Variants in TSPEAR observed in about 807,000 individuals in gnomAD.
TSPEAR encodes thrombospondin-type laminin G domain and EAR repeat-containing protein.
TSPEAR carries 69 observed loss-of-function variants against 71.6 expected under a neutral mutation model. That is an observed-to-expected ratio of 0.96 (90% CI 0.79 to 1.18). The LOEUF is 1.18. Among genes scored for constraint, TSPEAR ranks in the 50% most tolerant of loss-of-function variants. The pLI is 0.00. For missense variants in TSPEAR, 971 were observed against 894.9 expected (o/e 1.09, Z -1.09); for synonymous variants, 402 against 387.2 (o/e 1.04, Z -0.45).
chr21:44,591,820 G>A lies in TSPEAR; in HGVS notation c.83-23815C>T, dbSNP rs782629637. Reference sequence around the variant, plus strand: ...CACGCAGCAGGCCTGCTGGCAGGGGGAGGAGGTGCAGCAAGTTGGCTGGCA... The same window carrying A: ...CACGCAGCAGGCCTGCTGGCAGGGGAAGGAGGTGCAGCAAGTTGGCTGGCA... On this transcript the variant is annotated intron_variant, in intron 1 of 11. Transcript: ENST00000323084. 4.4e-6 allele frequency: 7 copies of A among 1,598,846 alleles called. No homozygotes were observed. The South Asian group carries it at 6.7e-5, about 15-fold the overall frequency.
chr21:44,658,101 C>T (rs371704152), intron 1 of TSPEAR: 45 of 1,613,024 alleles, frequency 2.8e-5, no homozygotes, highest in Admixed American at 3.3e-5. Flanking sequence ...GTGAGCTGCA[C>T]GCGCATTGTG....
At chr21:44,664,615 AAAG>A (rs1344361154) in intron 1 of TSPEAR, among the ~76,000 whole-genome samples, 3 of 152,236 alleles carry the variant, frequency 2.0e-5, no homozygotes, top group Admixed American at 1.3e-4. Context: ...CAACTTCTTA[AAAG>A]AAGAACAAAA....
chr21:44,498,011 G>GGCAGAGGGA lies in TSPEAR; in HGVS notation c.*1763_*1771dup, dbSNP rs1303781968. On this transcript the variant is annotated 3_prime_UTR_variant, in exon 12 of 12. Coordinates refer to ENST00000323084, the MANE Select transcript of TSPEAR (RefSeq NM_144991.3). ...TCAAGGGGAAAAGCCGGCTGGAGGG[G>GGCAGAGGGA]GCAGAGGGAGGAGGGTGTGGTCACA... 2.0e-5 allele frequency: 3 copies of GGCAGAGGGA among 152,302 alleles called. No homozygotes were observed. The highest frequency in any genetic ancestry group is 4.4e-5 in the Non-Finnish European group (3 of 68,112). 9.4% of individuals were successfully genotyped at this position (152,302 alleles called of 1,614,324 possible).
At chr21:44,647,204 G>C (rs371766804) in intron 1 of TSPEAR, 2 of 1,613,238 alleles carry the variant, frequency 1.2e-6, no homozygotes, top group African/African-American at 1.3e-5. Flanking sequence ...AGGTCCACCT[G>C]CTGTGTGCCC....
chr21:44,694,986 A>AG (rs571268571), intron 1 of TSPEAR, among the ~76,000 whole-genome samples: 41 of 152,306 alleles, frequency 2.7e-4, no homozygotes, highest in Non-Finnish European at 4.6e-4. Context: ...ACTTGCCCCA[A>AG]GGGGGGTCGT....
intron 1 of TSPEAR, among the ~76,000 whole-genome samples, chr21:44,699,252 A>G (rs1168932282): frequency 5.9e-5 from 9 of 151,566 alleles, no homozygotes; most frequent in African/African-American, 2.2e-4. Flanking sequence ...TGGTGGCACG[A>G]ACCTGTAGTC....
At chr21:44,611,458 G>A (rs797041361) in intron 1 of TSPEAR, among the ~76,000 whole-genome samples, 18 of 151,818 alleles carry the variant, frequency 1.2e-4, no homozygotes, top group East Asian at 1.2e-3. Context: ...AAGATTCTGC[G>A]GCCTCCCCAG....
At chr21:44,575,712 T>C (rs1978391060) in intron 1 of TSPEAR, among the ~76,000 whole-genome samples, 1 of 152,204 alleles carries the variant, frequency 6.6e-6, no homozygotes, top group Admixed American at 6.5e-5. Context: ...TCCAAATGCC[T>C]CCCTAGCTTC....
chr21:44,701,883 A>T (rs1386753249), intron 1 of TSPEAR, among the ~76,000 whole-genome samples: 1 of 152,124 alleles, frequency 6.6e-6, no homozygotes, highest in Non-Finnish European at 1.5e-5. Flanking sequence ...CCCCCTGAGC[A>T]GCTGCAATTC....
At chr21:44,654,188 G>T (rs1379459337) in intron 1 of TSPEAR, 3 of 1,076,266 alleles carry the variant, frequency 2.8e-6, no homozygotes, top group Non-Finnish European at 4.2e-6. Flanking sequence ...AGTTTGCTGT[G>T]GGAGGATGTG....
At position 44,697,232 on chromosome 21, in the gene TSPEAR, G is replaced by A. The variant is rs560416945; in HGVS notation, c.82+14201C>T. 9.3e-6 allele frequency: 15 copies of A among 1,613,952 alleles called. No individual in the cohort carries two copies. The African/African-American group carries it at 1.1e-4, about 11-fold the overall frequency. On this transcript the variant is annotated intron_variant, in intron 1 of 11. Transcript: ENST00000323084. ...CGTCTGCTCCAGCGACCTGAGCTAT[G>A]GCAGCCGCGTCTGCCTTCCTGGTTC... is the stretch of plus-strand genomic sequence containing the variant.
At chr21:44,554,883 C>A (rs1432239701) in intron 2 of TSPEAR, among the ~76,000 whole-genome samples, 1 of 152,072 alleles carries the variant, frequency 6.6e-6, no homozygotes, top group Non-Finnish European at 1.5e-5. Flanking sequence ...GACTGAGAAG[C>A]GGGTGGGGGT....
intron 1 of TSPEAR, among the ~76,000 whole-genome samples, chr21:44,569,610 C>G (rs587700212): frequency 1.3e-5 from 2 of 152,202 alleles, no homozygotes; most frequent in Admixed American, 6.5e-5. Context: ...GAAAGTGTGG[C>G]CTGCTTTAGG....
chr21:44,654,730 T>A (rs1012792991), intron 1 of TSPEAR: 13 of 691,144 alleles, frequency 1.9e-5, no homozygotes, highest in Admixed American at 5.9e-5. Context: ...CCTGGCATCT[T>A]CCTCGTGGGT....
chr21:44,614,403 C>G (rs1196506806), intron 1 of TSPEAR, among the ~76,000 whole-genome samples: 2 of 152,254 alleles, frequency 1.3e-5, no homozygotes, highest in East Asian at 3.9e-4. Flanking sequence ...GCACCGTCCC[C>G]AGGGGGCTGT....
rs370375474 is a variant in TSPEAR at position 44,596,655 on chromosome 21, G to A, written c.83-28650C>T. On this transcript the variant is annotated intron_variant, in intron 1 of 11. Coordinates refer to ENST00000323084, the MANE Select transcript of TSPEAR (RefSeq NM_144991.3). ...ATCTGGGTAGTCTGCCCACACCCTCGCCAACCCATGTTGGGAACATCAATG... is the reference window on the plus strand; with the variant it reads ...ATCTGGGTAGTCTGCCCACACCCTCACCAACCCATGTTGGGAACATCAATG... Among the ~76,000 whole-genome samples the A allele has an allele frequency of 3.9e-5, 6 of 152,248 alleles. No individual in the cohort carries two copies. The South Asian group carries it at 8.3e-4, about 21-fold the overall frequency.
chr21:44,658,405 T>G, intron 1 of TSPEAR: 1 of 856,792 alleles, frequency 1.2e-6, no homozygotes, highest in Non-Finnish European at 1.8e-6. Context: ...GGTGAGAACG[T>G]GGAAAAATGA....
At chr21:44,644,966 A>C (rs587750246) in intron 1 of TSPEAR, among the ~76,000 whole-genome samples, 4 of 152,322 alleles carry the variant, frequency 2.6e-5, no homozygotes, top group Non-Finnish European at 4.4e-5. Flanking sequence ...ATGACAAATG[A>C]CCAGTATCAG....
At chr21:44,596,090 G>C (rs372868832) in intron 1 of TSPEAR, among the ~76,000 whole-genome samples, 96 of 152,332 alleles carry the variant, frequency 6.3e-4, no homozygotes, top group African/African-American at 2.2e-3. Flanking sequence ...TTCAATTGGA[G>C]AAGGATCCAC....
Sources: allele counts gnomAD v4.1 joint callset (sites outside exome capture counted in the v4.1 genomes callset), GRCh38; gene constraint gnomAD v4.1.1; transcripts MANE v1.5; gene names NCBI Gene and HGNC (gene_info 2026-07-23, HGNC 2026-07-21).